Variants in ADGRG4 observed in about 807,000 individuals in gnomAD.
The protein encoded by ADGRG4 is G protein-coupled receptor 112.
A neutral mutation model predicts 126.2 loss-of-function variants in ADGRG4; 122 were observed. The ratio of observed to expected loss-of-function variants is 0.97; its 90% CI spans 0.83 to 1.12. ADGRG4 has a LOEUF of 1.12. Among genes scored for constraint, ADGRG4 ranks in the 50% most tolerant of loss-of-function variants. The pLI, the probability that ADGRG4 is intolerant of heterozygous loss-of-function variation, is 0.00. For synonymous variants in ADGRG4, 943 were observed against 838.7 expected, an observed-to-expected ratio of 1.12 and a Z score of -2.15; for missense variants, 2,481 against 2,251.8, an observed-to-expected ratio of 1.10 and a Z score of -2.06.
Position 136,399,999 on chromosome X carries a change from C to T in ADGRG4, c.8458C>T (p.Leu2820=). 3 of 1,210,891 alleles carry T rather than the reference C, an allele frequency of 2.5e-6. No homozygotes were observed. The highest frequency in any genetic ancestry group is 3.4e-6 in the Non-Finnish European group (3 of 894,826). ...AGCTGCAGTGGCACTTCATTACTTC[C>T]TGCTTGTTTCTTTTACTTGGATGGG... is the stretch of plus-strand genomic sequence containing the variant. ...ITAAVALHYF[L]LVSFTWMGLE... Residue 2820 remains leucine, a synonymous_variant, in exon 21 of 26, where the codon CTG becomes TTG. Transcript: ENST00000394143.
chrX:136,384,955 A>G (rs752497689), intron 15 of ADGRG4, among the ~76,000 whole-genome samples: 125 of 110,266 alleles, frequency 1.1e-3, no homozygotes, highest in South Asian at 3.5e-3. Flanking sequence ...ATGTAAATTT[A>G]TACCTTTTAC....
At position 136,348,760 on chromosome X, in the gene ADGRG4, C is replaced by T; in HGVS notation, c.5054C>T (p.Thr1685Ile). Residue 1685 changes from threonine (T) to isoleucine (I), a missense_variant, in exon 6 of 26, where the codon ACT (threonine) becomes ATT (isoleucine). Thr to Ile is a moderately conservative substitution (Grantham distance 89). Coordinates refer to ENST00000394143, the MANE Select transcript of ADGRG4 (RefSeq NM_153834.4). ...TAFSPLSSKSTGAISSIPKTT... is the reference protein window; with the variant it reads ...TAFSPLSSKSIGAISSIPKTT... ...TTCTCTCCACTCAGTTCTAAGAGCA[C>T]TGGAGCTATTTCCTCCATTCCAAAG... 8.3e-7 allele frequency: 1 copy of T among 1,209,082 alleles called. No homozygotes were observed. The highest frequency in any genetic ancestry group is 1.1e-6 in the Non-Finnish European group (1 of 894,142).
At chrX:136,386,700 G>A (rs1294208996) in intron 15 of ADGRG4, among the ~76,000 whole-genome samples, 1 of 111,984 alleles carries the variant, frequency 8.9e-6, no homozygotes, top group African/African-American at 3.2e-5. Context: ...ATGGGAGAAT[G>A]CAGGTAAGTG....
chrX:136,311,186 A>G (rs1230323017), intron 4 of ADGRG4, among the ~76,000 whole-genome samples: 1 of 110,576 alleles, frequency 9.0e-6, no homozygotes, highest in Non-Finnish European at 1.9e-5. Context: ...AAACCTAATT[A>G]CTTTCCAAAG....
chrX:136,412,277 T>C lies in ADGRG4; in HGVS notation c.8948T>C (p.Phe2983Ser). The C allele has an allele frequency of 8.4e-7, 1 of 1,197,252 alleles. No individual in the cohort carries two copies. Among genetic ancestry groups the C allele is most frequent in the Non-Finnish European group, 1.1e-6 (1 of 882,081 alleles). The change falls in exon 24 of 26, where the codon TTT becomes TCT. Residue 2983 changes from phenylalanine to serine, a missense_variant. Physicochemically the swap from Phe to Ser is radical, Grantham distance 155. Transcript: ENST00000394143. ...IFNTLQGFFI[F>S]VFHCVMKESV... ...TCTTCTGGCTTAGGATTCTTCATTT[T>C]TGTGTTTCACTGTGTGATGAAGGAG... is the stretch of plus-strand genomic sequence containing the variant.
intron 14 of ADGRG4, among the ~76,000 whole-genome samples, chrX:136,372,150 C>T (rs2075198648): frequency 9.0e-6 from 1 of 111,312 alleles, no homozygotes; most frequent in Non-Finnish European, 1.9e-5. Context: ...TTTGTGTTCC[C>T]TCAGTGTTCT....
chrX:136,358,012 C>T (rs887983138), intron 10 of ADGRG4, among the ~76,000 whole-genome samples: 3 of 111,410 alleles, frequency 2.7e-5, no homozygotes, highest in African/African-American at 6.5e-5. Context: ...TAATCTGGGA[C>T]GGGGGAGTGA....
At chrX:136,397,173 G>A (rs1248819158) in intron 19 of ADGRG4, among the ~76,000 whole-genome samples, 1 of 111,183 alleles carries the variant, frequency 9.0e-6, no homozygotes, top group Non-Finnish European at 1.9e-5. Context: ...CTAGATGCCA[G>A]TAGCACTCTC....
intron 5 of ADGRG4, among the ~76,000 whole-genome samples, chrX:136,337,646 T>G (rs1273658508): frequency 1.2e-4 from 13 of 112,408 alleles, no homozygotes; most frequent in Non-Finnish European, 1.9e-5. Flanking sequence ...TCTGGCCTCC[T>G]TAGTTCTGGA....
At chrX:136,393,361 T>A (rs1407542377) in intron 17 of ADGRG4, among the ~76,000 whole-genome samples, 174 bp from the exon 18 acceptor site, 1 of 111,854 alleles carries the variant, frequency 8.9e-6, no homozygotes, top group Non-Finnish European at 1.9e-5. Context: ...GTGGAGTTAG[T>A]CTAAAAGCCA....
intron 10 of ADGRG4, 135 bp from the exon 11 acceptor site, chrX:136,359,157 T>G (rs2075112044): frequency 2.0e-6 from 1 of 508,117 alleles, no homozygotes; most frequent in African/African-American, 2.4e-5. Flanking sequence ...TAAGATTGGC[T>G]GCTTAATAGC....
intron 4 of ADGRG4, among the ~76,000 whole-genome samples, chrX:136,309,282 G>A (rs1261599715): frequency 8.9e-6 from 1 of 112,161 alleles, no homozygotes; most frequent in East Asian, 2.8e-4. Flanking sequence ...GGGAAACTGA[G>A]GCATGCAAAC....
rs200926796 is a variant in ADGRG4, at chrX:136,376,633, G to GTATTTTATTT, written c.7776+3573_7776+3574insTTATTTTATT. On this transcript the variant is annotated intron_variant, in intron 15 of 25. Coordinates refer to ENST00000394143, the MANE Select transcript of ADGRG4 (RefSeq NM_153834.4). Reference sequence around the variant, plus strand: ...TTGATTAAGTATATTCCTGGGTATTGTATTGTATTGTATTGTATTGTATTG... The same window carrying GTATTTTATTT: ...TTGATTAAGTATATTCCTGGGTATTGTATTTTATTTTATTGTATTGTATTGTATTGTATTG... Among the ~76,000 whole-genome samples the GTATTTTATTT allele has an allele frequency of 2.6e-4, 9 of 34,442 alleles. 1 individual carries two copies. The highest frequency in any genetic ancestry group is 9.5e-4 in the African/African-American group (9 of 9,501). The allele number at this position is 34,442 out of a possible 115,157, so 29.9% of individuals were successfully genotyped here. A position where few individuals can be genotyped will look rare whatever the true frequency, so the allele number is the denominator to read the frequency against.
At position 136,346,977 on chromosome X, in the gene ADGRG4, G is replaced by A. The variant is rs1384090409; in HGVS notation, c.3271G>A (p.Ala1091Thr). 6 of 1,210,310 alleles carry A rather than the reference G, an allele frequency of 5.0e-6. No individual in the cohort carries two copies. The highest frequency in any genetic ancestry group is 6.7e-6 in the Non-Finnish European group (6 of 894,460). The change falls in exon 6 of 26, where the codon GCC becomes ACC. Residue 1091 changes from alanine (A) to threonine (T), a missense_variant. Ala to Thr is a moderately conservative substitution (Grantham distance 58). Transcript: ENST00000394143. Reference protein sequence around the residue: ...HGDLIRTTSEATVISVRKTSM... With the variant: ...HGDLIRTTSETTVISVRKTSM... ...AGACTTGATTCGTACCACTTCAGAG[G>A]CCACGGTAATCTCTGTCAGGAAGAC...
rs915395623 is a variant in ADGRG4 at position 136,389,851 on chromosome X, TA to T, written c.7911+1979del. Among the ~76,000 whole-genome samples the T allele has an allele frequency of 2.7e-5, 3 of 112,105 alleles. No homozygotes were observed. In the Admixed American group the frequency reaches 2.8e-4, roughly 11 times the overall value. ...GAGGGGAAAACAGACCTAAATGTTC[TA>T]ACATTAAAGGGGTGACCCTAGGCTG... On this transcript the variant is annotated intron_variant, in intron 16 of 25. Coordinates refer to ENST00000394143, the MANE Select transcript of ADGRG4 (RefSeq NM_153834.4).
Position 136,346,817 on chromosome X carries a change from T to C in ADGRG4, c.3111T>C (p.Ser1037=). 8.3e-7 allele frequency: 1 copy of C among 1,211,592 alleles called. No homozygotes were observed. The highest frequency in any genetic ancestry group is 1.1e-6 in the Non-Finnish European group (1 of 895,263). The change falls in exon 6 of 26, where the codon TCT becomes TCC. Residue 1037 remains serine (S), a synonymous_variant. Transcript: ENST00000394143. ...CTGAGGTTACCATGTCTGAGCCTTC[T>C]ACACTGGCCAGGGCTTTTTCTACAT... ...EETEVTMSEP[S]TLARAFSTSV...
At chrX:136,388,332 C>G (rs1425032280) in intron 16 of ADGRG4, among the ~76,000 whole-genome samples, 1 of 112,057 alleles carries the variant, frequency 8.9e-6, no homozygotes, top group Admixed American at 9.5e-5. Flanking sequence ...CCCCACAGAA[C>G]TTTCTCTGAA....
intron 10 of ADGRG4, 146 bp downstream of exon 10, chrX:136,357,902 A>T: frequency 2.2e-6 from 1 of 449,381 alleles, no homozygotes; most frequent in Non-Finnish European, 4.0e-6. Context: ...TGCTGTAATT[A>T]GGTCCTTGCC....
intron 21 of ADGRG4, 26 bp downstream of exon 21, chrX:136,400,142 A>C: frequency 9.2e-7 from 1 of 1,089,646 alleles, no homozygotes; most frequent in Non-Finnish European, 1.3e-6. Context: ...ATTGTTTTTG[A>C]TATTTATGTC....
Sources: gnomAD v4.1 joint callset for allele counts (sites outside exome capture counted in the v4.1 genomes callset) on GRCh38, gnomAD v4.1.1 for gene constraint, MANE v1.5 for transcripts, NCBI Gene and HGNC (gene_info 2026-07-23, HGNC 2026-07-21) for gene names.